Variants in DLG2 observed in about 807,000 individuals in gnomAD.
The protein encoded by DLG2 is disks large homolog 2.
DLG2 carries 45 observed loss-of-function variants against 132.5 expected under a neutral mutation model. The ratio of observed to expected loss-of-function variants is 0.34; its 90% CI spans 0.27 to 0.44. The LOEUF (loss-of-function observed/expected upper bound fraction) is 0.44, where lower values mean the gene tolerates loss of function less well. Ranked by LOEUF, DLG2 falls within the 20% of genes least tolerant of loss-of-function variation. The pLI is 1.00. For missense variants in DLG2, 1,045 were observed against 1,196.9 expected (o/e 0.87, Z 1.87); for synonymous variants, 424 against 419.6 (o/e 1.01, Z -0.13).
intron 14 of DLG2, among the ~76,000 whole-genome samples, chr11:83,936,385 C>T (rs1342339034): frequency 6.6e-6 from 1 of 152,226 alleles, no homozygotes; most frequent in African/African-American, 2.4e-5. Flanking sequence ...GCAGCCCCAA[C>T]TCTAACGCCC....
At chr11:83,794,727 A>G (rs1423988793) in intron 17 of DLG2, among the ~76,000 whole-genome samples, 1 of 152,170 alleles carries the variant, frequency 6.6e-6, no homozygotes, top group African/African-American at 2.4e-5. Flanking sequence ...AACTAGGCTC[A>G]GAGACTCACT....
At chr11:83,739,419 A>G (rs931346270) in intron 18 of DLG2, among the ~76,000 whole-genome samples, 1 of 152,202 alleles carries the variant, frequency 6.6e-6, no homozygotes, top group African/African-American at 2.4e-5. Flanking sequence ...AAGAACATTA[A>G]GCATACTCAA....
chr11:84,666,060 A>G (rs1346282810), intron 6 of DLG2, among the ~76,000 whole-genome samples: 1 of 152,194 alleles, frequency 6.6e-6, no homozygotes, highest in Non-Finnish European at 1.5e-5. Flanking sequence ...GAATTCGGCT[A>G]ACACATAGGT....
At chr11:84,334,241 A>T (rs1352657803) in intron 7 of DLG2, among the ~76,000 whole-genome samples, 1 of 152,236 alleles carries the variant, frequency 6.6e-6, no homozygotes. Flanking sequence ...AAATGTTGAA[A>T]TATTTGAGTT....
At chr11:84,827,269 A>T (rs760252821) in intron 6 of DLG2, among the ~76,000 whole-genome samples, 2 of 151,744 alleles carry the variant, frequency 1.3e-5, no homozygotes, top group Non-Finnish European at 2.9e-5. Context: ...CATCATGGTA[A>T]TAAAATGGGC....
chr11:85,007,985 A>G (rs1212798615), intron 6 of DLG2, among the ~76,000 whole-genome samples: 1 of 152,198 alleles, frequency 6.6e-6, no homozygotes, highest in African/African-American at 2.4e-5. Context: ...TGTACCAAGT[A>G]TTACAGAACA....
chr11:84,398,204 G>A (rs1389009917), intron 7 of DLG2, among the ~76,000 whole-genome samples: 1 of 152,158 alleles, frequency 6.6e-6, no homozygotes, highest in Non-Finnish European at 1.5e-5. Context: ...TGACTGTAAT[G>A]GATTCATCAG....
chr11:84,961,728 T>C (rs529601381), intron 6 of DLG2, among the ~76,000 whole-genome samples: 1 of 152,250 alleles, frequency 6.6e-6, no homozygotes, highest in South Asian at 2.1e-4. Flanking sequence ...TCTCTAAATA[T>C]GCTCCTCCAC....
intron 4 of DLG2, among the ~76,000 whole-genome samples, chr11:85,222,799 T>TA (rs1473871845): frequency 4.6e-5 from 7 of 151,964 alleles, no homozygotes; most frequent in African/African-American, 1.7e-4. Flanking sequence ...CCTTCTGAGA[T>TA]TTTTTTTTCC....
chr11:85,094,806 T>A (rs1436687293), intron 6 of DLG2, among the ~76,000 whole-genome samples: 1 of 152,230 alleles, frequency 6.6e-6, no homozygotes, highest in African/African-American at 2.4e-5. Flanking sequence ...TTCAAGAACT[T>A]TTCCTTTGCA....
At chr11:83,646,330 CTATT>C (rs1336172268) in intron 18 of DLG2, among the ~76,000 whole-genome samples, 1 of 150,088 alleles carries the variant, frequency 6.7e-6, no homozygotes, top group Admixed American at 6.6e-5. Context: ...TTCTCTCCCT[CTATT>C]TAATAGGCTT....
intron 7 of DLG2, among the ~76,000 whole-genome samples, chr11:84,293,116 G>A (rs888528722): frequency 6.6e-6 from 1 of 151,962 alleles, no homozygotes; most frequent in Non-Finnish European, 1.5e-5. Flanking sequence ...ATCTTAAGCA[G>A]AATGACAAGG....
chr11:84,236,941 T>G (rs2097166075), intron 8 of DLG2, among the ~76,000 whole-genome samples: 1 of 151,398 alleles, frequency 6.6e-6, no homozygotes, highest in African/African-American at 2.4e-5. Flanking sequence ...TTTTGTTTTT[T>G]TTTTTGAGAT....
At chr11:84,729,642 G>A (rs143443846) in intron 6 of DLG2, among the ~76,000 whole-genome samples, 13 of 152,082 alleles carry the variant, frequency 8.5e-5, no homozygotes, top group East Asian at 5.8e-4. Flanking sequence ...TACTTTGAGC[G>A]AGTCACACGT....
chr11:84,452,403 C>A (rs971825001), intron 7 of DLG2, among the ~76,000 whole-genome samples: 4 of 151,622 alleles, frequency 2.6e-5, no homozygotes, highest in Non-Finnish European at 4.4e-5. Context: ...AATCTAAGAG[C>A]AATACCATGA....
chr11:84,795,801 A>G (rs2074511965), intron 6 of DLG2, among the ~76,000 whole-genome samples: 1 of 152,096 alleles, frequency 6.6e-6, no homozygotes, highest in South Asian at 2.1e-4. Flanking sequence ...TGGCATCTCC[A>G]AGCTTCCAAG....
At chr11:84,570,877 C>A (rs2099480731) in intron 6 of DLG2, among the ~76,000 whole-genome samples, 1 of 152,178 alleles carries the variant, frequency 6.6e-6, no homozygotes, top group African/African-American at 2.4e-5. Flanking sequence ...CTATTCATTT[C>A]TGCCAATTTC....
chr11:83,479,625 C>A (rs183802240), intron 22 of DLG2, among the ~76,000 whole-genome samples: 4 of 152,138 alleles, frequency 2.6e-5, no homozygotes, highest in Admixed American at 2.6e-4. Flanking sequence ...GAGGACTGAT[C>A]AAAAGGATGT....
At chr11:85,469,258 C>T (rs537169990) in intron 3 of DLG2, 1 of 152,172 alleles carries the variant, frequency 6.6e-6, no homozygotes, top group African/African-American at 2.4e-5. Context: ...ATTTCAAGAG[C>T]CACTTTATTG....
Sources: gnomAD v4.1 joint callset for allele counts (sites outside exome capture counted in the v4.1 genomes callset) on GRCh38, gnomAD v4.1.1 for gene constraint, MANE v1.5 for transcripts, NCBI Gene and HGNC (gene_info 2026-07-23, HGNC 2026-07-21) for gene names.